DENND1B: variants seen among roughly 807,000 people sequenced by gnomAD.
DENND1B encodes the protein DENN domain-containing protein 1B.
In DENND1B, 59 loss-of-function variants were observed where a neutral mutation model predicts 90.1. The observed-to-expected ratio is 0.65, with a 90% CI of 0.53 to 0.81. The LOEUF (loss-of-function observed/expected upper bound fraction) is 0.81, where lower values mean the gene tolerates loss of function less well. Among genes scored for constraint, DENND1B ranks in the 40% least tolerant of loss-of-function variants. The probability of loss-of-function intolerance (pLI) is 0.00; values close to 1 mark genes in which losing one functional copy is unlikely to be tolerated. For missense variants in DENND1B, 862 were observed against 912.6 expected, an observed-to-expected ratio of 0.94 and a Z score of 0.71; for synonymous variants, 337 against 324.6, an observed-to-expected ratio of 1.04 and a Z score of -0.41.
At chr1:197,698,881 T>A (rs551254460) in intron 3 of DENND1B, among the ~76,000 whole-genome samples, 74 of 152,210 alleles carry the variant, frequency 4.9e-4, no homozygotes, top group East Asian at 3.9e-4. Flanking sequence ...AATCCCTGAA[T>A]ACACCAATAA....
rs1671381992 is a variant in DENND1B, at chr1:197,553,088, G to C, written c.1174C>G (p.Leu392Val). 1 of 1,536,334 alleles carries C rather than the reference G, an allele frequency of 6.5e-7. No homozygotes were observed. The highest frequency in any genetic ancestry group is 8.7e-7 in the Non-Finnish European group (1 of 1,148,824). Residue 392 changes from leucine (L) to valine (V), a missense_variant, in exon 16 of 23, where the codon CTA (leucine) becomes GTA (valine). Transcript: ENST00000620048. Reference protein sequence around the residue: ...KQFIDGRLAKLNAGRGFSDVF... With the variant: ...KQFIDGRLAKVNAGRGFSDVF... Reference sequence around the variant, plus strand: ...TCAGAGAAACCCCTTCCTGCATTTAGTTTTGCCAGTCGACCATCGATAAAC... The same window carrying C: ...TCAGAGAAACCCCTTCCTGCATTTACTTTTGCCAGTCGACCATCGATAAAC...
chr1:197,692,297 A>G (rs1393488009), intron 3 of DENND1B, among the ~76,000 whole-genome samples: 2 of 151,800 alleles, frequency 1.3e-5, no homozygotes, highest in Non-Finnish European at 2.9e-5. Flanking sequence ...ATCTAAAGTT[A>G]CCTCTTTAAA....
Position 197,510,853 on chromosome 1 carries a change from TG to T in DENND1B, c.1934del (p.Pro645HisfsTer12). On this transcript the variant is annotated frameshift_variant, in exon 23 of 23. Coordinates refer to ENST00000620048, the MANE Select transcript of DENND1B (RefSeq NM_001195215.2). LOFTEE classifies it low-confidence loss of function (END_TRUNC). ...DSALHGKHLP[P>X]SPRKRVSSSG... ...TAGAGGAAACCCGCTTCCTAGGAGATGGAGGGAGGTGTTTGCCATGGAGGGC... is the reference window on the plus strand; with the variant it reads ...TAGAGGAAACCCGCTTCCTAGGAGATGAGGGAGGTGTTTGCCATGGAGGGC... 1 of 1,611,564 alleles carries T rather than the reference TG, an allele frequency of 6.2e-7. No individual in the cohort carries two copies. Among genetic ancestry groups the T allele is most frequent in the Non-Finnish European group, 8.5e-7 (1 of 1,178,780 alleles).
At chr1:197,629,421 G>C (rs555479363) in intron 10 of DENND1B, among the ~76,000 whole-genome samples, 1 of 150,238 alleles carries the variant, frequency 6.7e-6, no homozygotes, top group Non-Finnish European at 1.5e-5. Context: ...GTAAACTATC[G>C]CAAGGACAGA....
At chr1:197,629,534 G>A (rs1445922835) in intron 10 of DENND1B, among the ~76,000 whole-genome samples, 1 of 131,882 alleles carries the variant, frequency 7.6e-6, no homozygotes, top group Non-Finnish European at 1.6e-5. Flanking sequence ...TTGTGGGGTC[G>A]GGGGAGGGGG....
intron 20 of DENND1B, 33 bp downstream of exon 20, chr1:197,539,931 G>A: frequency 6.9e-7 from 1 of 1,451,800 alleles, no homozygotes; most frequent in Non-Finnish European, 9.6e-7. Flanking sequence ...ATTTGAGAAT[G>A]TGGGGGAATG....
At chr1:197,635,435 C>G (rs1390332595) in intron 10 of DENND1B, among the ~76,000 whole-genome samples, 4 of 152,110 alleles carry the variant, frequency 2.6e-5, no homozygotes, top group African/African-American at 9.7e-5. Context: ...ACTCCTGGCT[C>G]AAGCAATCCT....
intron 10 of DENND1B, among the ~76,000 whole-genome samples, chr1:197,636,421 T>A (rs187734945): frequency 6.6e-6 from 1 of 152,266 alleles, no homozygotes; most frequent in East Asian, 1.9e-4. Context: ...TTTTATAAGA[T>A]GGTCATTGTA....
At chr1:197,778,234 A>G (rs1299803721), upstream of DENND1B, among the ~76,000 whole-genome samples, 2 of 152,166 alleles carry the variant, frequency 1.3e-5, no homozygotes, top group Non-Finnish European at 2.9e-5. Context: ...TGATGTTAGG[A>G]TATCTCTTTT....
intron 10 of DENND1B, among the ~76,000 whole-genome samples, chr1:197,625,338 G>A (rs1678580821): frequency 1.3e-5 from 2 of 152,244 alleles, no homozygotes; most frequent in African/African-American, 4.8e-5. Flanking sequence ...CTACAAGCCA[G>A]AAGAGAGTGG....
chr1:197,522,173 A>T (rs924339668), intron 20 of DENND1B, among the ~76,000 whole-genome samples: 1 of 152,100 alleles, frequency 6.6e-6, no homozygotes, highest in Non-Finnish European at 1.5e-5. Context: ...AGATGTCAGG[A>T]TGAAGAGACA....
chr1:197,547,892 G>A (rs542365181), intron 16 of DENND1B, among the ~76,000 whole-genome samples: 4 of 152,156 alleles, frequency 2.6e-5, no homozygotes, highest in Non-Finnish European at 2.9e-5. Context: ...GTATTAAAAA[G>A]CTCTCATCAG....
intron 2 of DENND1B, among the ~76,000 whole-genome samples, chr1:197,772,000 C>T (rs965963706): frequency 3.9e-5 from 6 of 152,084 alleles, no homozygotes; most frequent in African/African-American, 1.4e-4. Flanking sequence ...CTCATCTTTT[C>T]AGGAAATTGT....
chr1:197,718,720 T>TA (rs1161997395), intron 2 of DENND1B, among the ~76,000 whole-genome samples: 1 of 152,028 alleles, frequency 6.6e-6, no homozygotes, highest in Non-Finnish European at 1.5e-5. Context: ...ATCTGGGCCA[T>TA]AAAGTGGGCA....
chr1:197,689,327 T>C (rs142872747), intron 3 of DENND1B: 122 of 152,190 alleles, frequency 8.0e-4, no homozygotes, highest in Middle Eastern at 3.4e-3. Flanking sequence ...CTCACTACCA[T>C]GAACACAGTA....
chr1:197,723,050 T>A (rs1411504297), intron 2 of DENND1B, among the ~76,000 whole-genome samples: 2 of 152,196 alleles, frequency 1.3e-5, no homozygotes, highest in Non-Finnish European at 2.9e-5. Flanking sequence ...TTCTAAATAT[T>A]TCTAGAAAGA....
intron 2 of DENND1B, among the ~76,000 whole-genome samples, chr1:197,754,688 A>AAAAAAAC (rs1654047283): frequency 6.9e-6 from 1 of 145,382 alleles, no homozygotes; most frequent in Non-Finnish European, 1.5e-5. Context: ...AAAAAAAAAA[A>AAAAAAAC]CTGATACAGT....
At chr1:197,540,824 TA>T in intron 19 of DENND1B, 134 bp downstream of exon 19, 1 of 756,384 alleles carries the variant, frequency 1.3e-6, no homozygotes, top group East Asian at 2.8e-5. Context: ...GGGCTTGTTA[TA>T]AAAAATACAT....
intron 20 of DENND1B, among the ~76,000 whole-genome samples, chr1:197,514,105 C>T (rs972098941): frequency 6.6e-6 from 1 of 151,632 alleles, no homozygotes; most frequent in Non-Finnish European, 1.5e-5. Context: ...AACTTTTGAC[C>T]TGAAGGTTTT....
Sources: allele counts gnomAD v4.1 joint callset (sites outside exome capture counted in the v4.1 genomes callset), GRCh38; gene constraint gnomAD v4.1.1; transcripts MANE v1.5; gene names NCBI Gene and HGNC (gene_info 2026-07-23, HGNC 2026-07-21).